Variants in CNTNAP2 observed in about 807,000 individuals in gnomAD.
The protein encoded by CNTNAP2 is contactin associated protein 2.
In CNTNAP2, 98 loss-of-function variants were observed where a neutral mutation model predicts 155.2. The observed-to-expected ratio is 0.63, with a 90% CI of 0.54 to 0.75. CNTNAP2 has a LOEUF of 0.75. CNTNAP2 is among the 30% of genes least tolerant of loss of function. The pLI is 0.00. For synonymous variants in CNTNAP2, 651 were observed against 631.2 expected (o/e 1.03, Z -0.47); for missense variants, 1,727 against 1,688.1 (o/e 1.02, Z -0.40).
intron 1 of CNTNAP2, among the ~76,000 whole-genome samples, chr7:146,277,766 G>A (rs537458957): frequency 3.9e-5 from 6 of 152,088 alleles, no homozygotes; most frequent in Non-Finnish European, 8.8e-5. Context: ...GCATGCCAAT[G>A]AACTAATGGA....
intron 11 of CNTNAP2, among the ~76,000 whole-genome samples, chr7:147,532,877 T>C (rs907097933): frequency 6.6e-6 from 1 of 152,172 alleles, no homozygotes; most frequent in Non-Finnish European, 1.5e-5. Context: ...TCCCCCTGAG[T>C]TCCTCCCACA....
chr7:147,284,360 T>A (rs1479751570), intron 8 of CNTNAP2, among the ~76,000 whole-genome samples: 1 of 151,808 alleles, frequency 6.6e-6, no homozygotes, highest in East Asian at 1.9e-4. Flanking sequence ...AATATTACAG[T>A]ACATGCTGCC....
chr7:146,434,778 T>C (rs1399261426), intron 1 of CNTNAP2, among the ~76,000 whole-genome samples: 5 of 152,168 alleles, frequency 3.3e-5, no homozygotes, highest in African/African-American at 7.2e-5. Context: ...TTCTTTGTAG[T>C]AAATTAGAAA....
intron 13 of CNTNAP2, among the ~76,000 whole-genome samples, chr7:147,721,047 C>T (rs1796559921): frequency 6.6e-6 from 1 of 152,030 alleles, no homozygotes; most frequent in African/African-American, 2.4e-5. Flanking sequence ...CTTGTCTATG[C>T]TCAGCATTCT....
At chr7:148,328,703 C>T (rs987645367) in intron 21 of CNTNAP2, among the ~76,000 whole-genome samples, 2 of 152,042 alleles carry the variant, frequency 1.3e-5, no homozygotes, top group Admixed American at 1.3e-4. Flanking sequence ...GGCGCGGTGG[C>T]TCACACCTGT....
intron 1 of CNTNAP2, among the ~76,000 whole-genome samples, chr7:146,196,726 AT>A (rs1031770359): frequency 5.3e-5 from 8 of 152,264 alleles, no homozygotes; most frequent in Admixed American, 3.9e-4. Flanking sequence ...ATACTAATAT[AT>A]TTTTATGTAC....
chr7:147,537,357 A>G (rs936936444), intron 11 of CNTNAP2, among the ~76,000 whole-genome samples: 8 of 152,250 alleles, frequency 5.3e-5, no homozygotes, highest in Non-Finnish European at 1.2e-4. Context: ...ATATAATCGT[A>G]AAAGAAAACA....
chr7:147,007,778 T>C (rs1473045838), intron 3 of CNTNAP2, among the ~76,000 whole-genome samples: 1 of 152,084 alleles, frequency 6.6e-6, no homozygotes, highest in Non-Finnish European at 1.5e-5. Context: ...GTGTAAGTAC[T>C]TCAGAACTAT....
chr7:147,044,322 T>C (rs1177458203), intron 4 of CNTNAP2, among the ~76,000 whole-genome samples: 1 of 150,888 alleles, frequency 6.6e-6, no homozygotes, highest in Admixed American at 6.6e-5. Context: ...TTTGGAAAGG[T>C]TTTTTTTGTT....
At chr7:147,506,546 C>T (rs751257603) in intron 11 of CNTNAP2, among the ~76,000 whole-genome samples, 5 of 152,198 alleles carry the variant, frequency 3.3e-5, no homozygotes, top group Admixed American at 6.5e-5. Context: ...TGAGCCACCA[C>T]GCCTGGCCCA....
chr7:147,409,046 G>A (rs571240262), intron 10 of CNTNAP2, among the ~76,000 whole-genome samples: 45 of 152,252 alleles, frequency 3.0e-4, no homozygotes, highest in African/African-American at 1.0e-3. Flanking sequence ...AGTAAGAAAA[G>A]GCTTTAATGA....
At chr7:148,341,337 A>G (rs1337537801) in intron 21 of CNTNAP2, among the ~76,000 whole-genome samples, 2 of 151,402 alleles carry the variant, frequency 1.3e-5, no homozygotes, top group Non-Finnish European at 2.9e-5. Context: ...AATCCGTAAT[A>G]GTGTGTTAAA....
rs532837902 is a variant in CNTNAP2, at chr7:147,886,475, CAAAAAAAAAAAAAAAAA to C, written c.2099-17078_2099-17062del. Among the ~76,000 whole-genome samples the C allele has an allele frequency of 3.5e-4, 14 of 39,740 alleles. No homozygotes were observed. The East Asian group carries it at 0.02, about 56-fold the overall frequency. The allele number at this position is 39,740 out of a possible 152,430, so 26.1% of individuals were successfully genotyped here. The stretch of plus-strand genomic sequence containing the variant: ...GGGCAACAAGAGGGAAACTCCATCT[CAAAAAAAAAAAAAAAAA>C]AAAAAAAAAAAGATTTGGTTGTAAT... On this transcript the variant is annotated intron_variant, in intron 13 of 23. Transcript: ENST00000361727.
At chr7:147,515,484 A>C (rs1799107804) in intron 11 of CNTNAP2, among the ~76,000 whole-genome samples, 1 of 151,752 alleles carries the variant, frequency 6.6e-6, no homozygotes, top group Non-Finnish European at 1.5e-5. Flanking sequence ...TACCATGCCC[A>C]GCTAATTTTT....
At chr7:147,834,669 C>A (rs1443076095) in intron 13 of CNTNAP2, among the ~76,000 whole-genome samples, 5 of 152,056 alleles carry the variant, frequency 3.3e-5, no homozygotes. Flanking sequence ...GAACTCAAAC[C>A]CCAGACGTAT....
chr7:147,824,777 G>T (rs908026700), intron 13 of CNTNAP2, among the ~76,000 whole-genome samples: 1 of 151,934 alleles, frequency 6.6e-6, no homozygotes. Context: ...TATTTAAGAA[G>T]TAAGAGAAGT....
At chr7:148,364,196 C>T (rs184222708) in intron 21 of CNTNAP2, among the ~76,000 whole-genome samples, 23 of 152,338 alleles carry the variant, frequency 1.5e-4, no homozygotes, top group African/African-American at 4.3e-4. Context: ...GGAATGTGAG[C>T]GCACGGTGCA....
chr7:146,424,448 G>A (rs774980750), intron 1 of CNTNAP2, among the ~76,000 whole-genome samples: 1 of 152,150 alleles, frequency 6.6e-6, no homozygotes, highest in Non-Finnish European at 1.5e-5. Flanking sequence ...TTGTGACAAC[G>A]TGTACGAAAT....
chr7:146,602,253 C>T (rs913168881), intron 1 of CNTNAP2, among the ~76,000 whole-genome samples: 4 of 151,976 alleles, frequency 2.6e-5, no homozygotes, highest in African/African-American at 9.7e-5. Flanking sequence ...GAGTTTTTGG[C>T]GGCATCCACT....
Sources: allele counts gnomAD v4.1 joint callset (sites outside exome capture counted in the v4.1 genomes callset), GRCh38; gene constraint gnomAD v4.1.1; transcripts MANE v1.5; gene names NCBI Gene and HGNC (gene_info 2026-07-23, HGNC 2026-07-21).